EFR3B: variants seen among roughly 807,000 people sequenced by gnomAD.
EFR3B encodes EFR3 homolog B.
Under a neutral mutation model 104.7 loss-of-function variants are expected in EFR3B, and 64 were observed. That is an observed-to-expected ratio of 0.61 (90% CI 0.50 to 0.75). EFR3B has a LOEUF of 0.75. EFR3B is among the 30% of genes least tolerant of loss of function. The pLI is 0.00. For synonymous variants in EFR3B, 385 were observed against 417.9 expected (o/e 0.92, Z 0.96); for missense variants, 750 against 1,078.5 (o/e 0.70, Z 4.27).
At chr2:25,113,387 T>A (rs969707271) in intron 4 of EFR3B, among the ~76,000 whole-genome samples, 29 of 152,128 alleles carry the variant, frequency 1.9e-4, no homozygotes, top group Non-Finnish European at 2.9e-5. Flanking sequence ...ATTATGGATT[T>A]AAAGAAATAG....
chr2:25,123,359 CAA>C (rs58615324), intron 5 of EFR3B, among the ~76,000 whole-genome samples: 4 of 118,322 alleles, frequency 3.4e-5, no homozygotes, highest in Non-Finnish European at 3.6e-5. Context: ...GACCCTGTCT[CAA>C]AAAAAAAAAA....
At chr2:25,046,041 C>G (rs1295843387) in intron 1 of EFR3B, among the ~76,000 whole-genome samples, 1 of 152,166 alleles carries the variant, frequency 6.6e-6, no homozygotes, top group Non-Finnish European at 1.5e-5. Context: ...TCTCGTCCCG[C>G]TTAGTGGTTG....
chr2:25,068,102 C>G (rs1264074690), intron 1 of EFR3B, among the ~76,000 whole-genome samples: 1 of 152,170 alleles, frequency 6.6e-6, no homozygotes, highest in Non-Finnish European at 1.5e-5. Flanking sequence ...CTTTCTGAGC[C>G]AAGGGGAGGA....
At chr2:25,052,650 G>A (rs1488348419) in intron 1 of EFR3B, among the ~76,000 whole-genome samples, 1 of 151,940 alleles carries the variant, frequency 6.6e-6, no homozygotes, top group African/African-American at 2.4e-5. Context: ...TAACAGGTGT[G>A]TGCCACCATG....
intron 4 of EFR3B, among the ~76,000 whole-genome samples, chr2:25,113,300 C>T (rs564744934): frequency 6.6e-6 from 1 of 152,100 alleles, no homozygotes; most frequent in Non-Finnish European, 1.5e-5. Flanking sequence ...TGCATTAGAA[C>T]TCGCATTTTA....
At chr2:25,135,440 G>A (rs1164947239) in intron 12 of EFR3B, 27 bp from the exon 13 acceptor site, 18 of 1,550,738 alleles carry the variant, frequency 1.2e-5, no homozygotes, top group East Asian at 7.3e-5. Flanking sequence ...GCATTCCTAG[G>A]CATAGCTGTC....
At chr2:25,138,025 AGCCGGAC>A (rs1670567232) in intron 15 of EFR3B, among the ~76,000 whole-genome samples, 1 of 152,050 alleles carries the variant, frequency 6.6e-6, no homozygotes, top group Non-Finnish European at 1.5e-5. Context: ...TACAAAAATT[AGCCGGAC>A]GTGGTGGTGC....
At chr2:25,056,579 T>G (rs1227649237) in intron 1 of EFR3B, among the ~76,000 whole-genome samples, 2 of 151,770 alleles carry the variant, frequency 1.3e-5, no homozygotes, top group African/African-American at 2.4e-5. Flanking sequence ...CTTCAGCTTG[T>G]GTGCAGTACA....
At chr2:25,079,490 G>A (rs1668729493) in intron 1 of EFR3B, among the ~76,000 whole-genome samples, 1 of 152,148 alleles carries the variant, frequency 6.6e-6, no homozygotes, top group African/African-American at 2.4e-5. Context: ...TCTACTTTAT[G>A]GGGTTGTTAC....
intron 4 of EFR3B, among the ~76,000 whole-genome samples, chr2:25,117,649 T>A (rs1324535782): frequency 2.0e-5 from 3 of 152,058 alleles, no homozygotes; most frequent in Non-Finnish European, 4.4e-5. Context: ...TGACCTCAGG[T>A]GATCTGCCCA....
rs1670563325 is a variant in EFR3B, at chr2:25,137,928, T to C, written c.1722+426T>C. On this transcript the variant is annotated intron_variant, in intron 15 of 22. Transcript: ENST00000403714. This position sits in a 1 kb window ranked among gnomAD's most constrained non-coding sequence, Gnocchi z 4.7. ...GGCTCATGCCTGTAATCCCAGCACT[T>C]TGGGAGGCCGAGGTGGGTGGACCAC... Among the ~76,000 whole-genome samples, 1 of 152,116 alleles carries C rather than the reference T, an allele frequency of 6.6e-6. No homozygotes were observed.
intron 3 of EFR3B, among the ~76,000 whole-genome samples, chr2:25,099,866 T>C (rs1430033621): frequency 1.5e-5 from 2 of 136,680 alleles, no homozygotes; most frequent in Non-Finnish European, 3.2e-5. Flanking sequence ...ACCCAAACTT[T>C]GTTTAAAAAA....
chr2:25,051,370 C>T (rs1222938096), intron 1 of EFR3B, among the ~76,000 whole-genome samples: 1 of 151,676 alleles, frequency 6.6e-6, no homozygotes, highest in African/African-American at 2.4e-5. Context: ...CTGCCTCAGC[C>T]TCCCAAAGTG....
intron 4 of EFR3B, among the ~76,000 whole-genome samples, chr2:25,113,197 G>A (rs888284711): frequency 3.3e-5 from 5 of 151,944 alleles, no homozygotes; most frequent in Admixed American, 6.6e-5. Context: ...TTGCTATGGC[G>A]ACTTTCCTCA....
intron 1 of EFR3B, among the ~76,000 whole-genome samples, chr2:25,049,400 G>A (rs1349103739): frequency 1.3e-5 from 2 of 152,168 alleles, no homozygotes; most frequent in Admixed American, 1.3e-4. Context: ...TGGAGTAGCA[G>A]CTATGTATGA....
At chr2:25,080,381 G>A (rs940584094) in intron 1 of EFR3B, 11 of 510,954 alleles carry the variant, frequency 2.2e-5, no homozygotes, top group Admixed American at 7.5e-5. Flanking sequence ...TGCAACCTCC[G>A]CCTCCCATGT....
At chr2:25,126,232 G>C (rs912369628) in intron 5 of EFR3B, among the ~76,000 whole-genome samples, 1 of 152,144 alleles carries the variant, frequency 6.6e-6, no homozygotes, top group South Asian at 2.1e-4. Flanking sequence ...GGGCTGGAGT[G>C]CAGTGCCATG....
At chr2:25,108,680 C>T (rs1437171036) in intron 4 of EFR3B, among the ~76,000 whole-genome samples, 2 of 152,126 alleles carry the variant, frequency 1.3e-5, no homozygotes, top group Non-Finnish European at 2.9e-5. Context: ...ATAGAAACAA[C>T]ATAGATAAAT....
chr2:25,063,052 T>A (rs1001153146), intron 1 of EFR3B, among the ~76,000 whole-genome samples: 1 of 151,552 alleles, frequency 6.6e-6, no homozygotes, highest in East Asian at 1.9e-4. Flanking sequence ...GCCTCCCGAG[T>A]AGTTGGGATT....
Sources: allele counts gnomAD v4.1 joint callset (sites outside exome capture counted in the v4.1 genomes callset), GRCh38; gene constraint gnomAD v4.1.1; non-coding constraint Gnocchi (gnomAD v3.1); transcripts MANE v1.5; gene names NCBI Gene and HGNC (gene_info 2026-07-23, HGNC 2026-07-21).